Variants in DPH5 observed in about 807,000 individuals in gnomAD.
DPH5 encodes the protein diphthine methyl ester synthase.
Under a neutral mutation model 31.6 loss-of-function variants are expected in DPH5, and 31 were observed. The ratio of observed to expected loss-of-function variants is 0.98; its 90% confidence interval spans 0.74 to 1.32. The LOEUF (loss-of-function observed/expected upper bound fraction) is 1.32, where lower values mean the gene tolerates loss of function less well. Among genes scored for constraint, DPH5 ranks in the 40% most tolerant of loss-of-function variants. The pLI is 0.00. For missense variants in DPH5, 309 were observed against 335.7 expected, an observed-to-expected ratio of 0.92 and a Z score of 0.62; for synonymous variants, 120 against 115.0, an observed-to-expected ratio of 1.04 and a Z score of -0.28.
chr1:101,013,693 C>A lies in DPH5; in HGVS notation c.369+17G>T. 6.7e-7 allele frequency: 1 copy of A among 1,487,424 alleles called. No individual in the cohort carries two copies. Among genetic ancestry groups the A allele is most frequent in the South Asian group, 1.2e-5 (1 of 80,948 alleles). The allele number at this position is 1,487,424 out of a possible 1,614,324, so 92.1% of individuals were successfully genotyped here. A position where few individuals can be genotyped will look rare whatever the true frequency, so the allele number is the denominator to read the frequency against. Reference sequence around the variant, plus strand: ...TTTTTATTTAATTCCACTGAAAAACCTCCTTTGTTGCATTACCTGTAAACC... The same window carrying A: ...TTTTTATTTAATTCCACTGAAAAACATCCTTTGTTGCATTACCTGTAAACC... On this transcript the variant is annotated intron_variant, in intron 4 of 7. Coordinates refer to ENST00000370109, the MANE Select transcript of DPH5 (RefSeq NM_015958.3).
intron 2 of DPH5, 58 bp from the exon 3 acceptor site, chr1:101,021,823 CA>C: frequency 1.8e-6 from 1 of 554,950 alleles, no homozygotes; most frequent in Non-Finnish European, 2.6e-6. Flanking sequence ...TTCTAACACA[CA>C]CACACACACA....
At position 101,000,955 on chromosome 1, in the gene DPH5, C is replaced by T. The variant is rs535715222; in HGVS notation, c.490+512G>A. ...GGCTATCTGATTCTACCAGTTCTGC[C>T]AACAATTGACTAGGTGACATTGGGG... is the stretch of plus-strand genomic sequence containing the variant. On this transcript the variant is annotated intron_variant, in intron 5 of 7. Coordinates refer to ENST00000370109, the MANE Select transcript of DPH5 (RefSeq NM_015958.3). Among the ~76,000 whole-genome samples, 46 of 152,266 alleles carry T rather than the reference C, an allele frequency of 3.0e-4. No homozygotes were observed. The South Asian group carries it at 9.3e-3, about 31-fold the overall frequency.
intron 5 of DPH5, among the ~76,000 whole-genome samples, chr1:100,999,468 A>C (rs1658674418): frequency 6.6e-6 from 1 of 152,192 alleles, no homozygotes; most frequent in African/African-American, 2.4e-5. Context: ...ACAAACAAAC[A>C]AAAAATTTAT....
chr1:101,015,200 T>C (rs190081876), intron 3 of DPH5, among the ~76,000 whole-genome samples: 20 of 152,276 alleles, frequency 1.3e-4, no homozygotes, highest in African/African-American at 4.8e-4. Context: ...GAAATCACTA[T>C]CTAGGGCAGC....
At chr1:100,999,848 A>G (rs917581800) in intron 5 of DPH5, among the ~76,000 whole-genome samples, 4 of 151,840 alleles carry the variant, frequency 2.6e-5, no homozygotes, top group Non-Finnish European at 4.4e-5. Context: ...TCAAAAAAAT[A>G]AAAATAAAAT....
chr1:101,025,343 T>C lies in DPH5; in HGVS notation c.101A>G (p.Tyr34Cys), dbSNP rs373935279. 2.5e-6 allele frequency: 4 copies of C among 1,614,108 alleles called. No homozygotes were observed. The highest frequency in any genetic ancestry group is 1.3e-5 in the African/African-American group (1 of 74,940). ...CTTCCCTACAGTTAGGACTGAGGTG[T>C]AGGCTTCCAGATACACTCGACTGCA... ...RRCSRVYLEA[Y>C]TSVLTVGKEA... is the part of the protein sequence containing the mutation. The change falls in exon 2 of 8, where the codon TAC becomes TGC. Residue 34 changes from tyrosine (Y) to cysteine (C), a missense_variant. Transcript: ENST00000370109.
At chr1:101,023,681 G>T (rs186647027) in intron 2 of DPH5, among the ~76,000 whole-genome samples, 386 of 152,242 alleles carry the variant, frequency 2.5e-3, no homozygotes, top group Middle Eastern at 0.014. Context: ...ACTGGTAATT[G>T]CCACTTGACA....
chr1:101,003,804 A>G (rs1659036773), intron 4 of DPH5, among the ~76,000 whole-genome samples: 1 of 152,184 alleles, frequency 6.6e-6, no homozygotes, highest in South Asian at 2.1e-4. Flanking sequence ...TACATTTATG[A>G]TTTCATTCTG....
intron 3 of DPH5, among the ~76,000 whole-genome samples, chr1:101,020,226 T>C (rs1294917168): frequency 6.6e-6 from 1 of 152,126 alleles, no homozygotes; most frequent in Admixed American, 6.5e-5. Flanking sequence ...TTGAACCCTA[T>C]CCAGACCCAG....
chr1:101,011,586 T>G (rs1659646150), intron 4 of DPH5: 1 of 152,210 alleles, frequency 6.6e-6, no homozygotes, highest in South Asian at 2.1e-4. Flanking sequence ...ACAATTACAC[T>G]TTACCTGTCT....
intron 5 of DPH5, among the ~76,000 whole-genome samples, chr1:101,000,015 C>T (rs1658732190): frequency 1.3e-5 from 2 of 151,762 alleles, no homozygotes; most frequent in African/African-American, 4.8e-5. Flanking sequence ...GGCGTGGTGG[C>T]ATGAACCTGT....
At chr1:101,023,651 A>T (rs1170236937) in intron 2 of DPH5, among the ~76,000 whole-genome samples, 2 of 152,224 alleles carry the variant, frequency 1.3e-5, no homozygotes, top group African/African-American at 4.8e-5. Flanking sequence ...CATCTCAATA[A>T]AACACTACAT....
In DPH5 at chr1:101,013,762, CTA is replaced by C. The variant is rs776285372; in HGVS notation, c.315_316del (p.Tyr105Ter). On this transcript the variant is annotated stop_gained and frameshift_variant, in exon 4 of 8. Transcript: ENST00000370109. LOFTEE classifies it high-confidence loss of function. The stretch of plus-strand genomic sequence containing the variant: ...CATTATGGAGGCATTGTGAATAACT[CTA>C]TAAGGAATTCCCAGCTTTGTTGCTC... 1 of 1,613,290 alleles carries C rather than the reference CTA, an allele frequency of 6.2e-7. No homozygotes were observed. The highest frequency in any genetic ancestry group is 2.2e-5 in the East Asian group (1 of 44,858).
intron 7 of DPH5, among the ~76,000 whole-genome samples, chr1:100,991,088 T>C (rs1157492497): frequency 1.3e-5 from 2 of 152,138 alleles, no homozygotes; most frequent in African/African-American, 2.4e-5. Flanking sequence ...AGCTGTGTGA[T>C]AAACTTCAGT....
rs140266066 is a variant in DPH5 at position 101,001,427 on chromosome 1, G to A, written c.490+40C>T. The A allele has an allele frequency of 3.8e-4, 596 of 1,588,394 alleles. 1 individual carries two copies. The African/African-American group carries it at 7.3e-3, about 19-fold the overall frequency. On this transcript the variant is annotated intron_variant, in intron 5 of 7. Transcript: ENST00000370109. Reference sequence around the variant, plus strand: ...AAATCAAAATGAGAACAGTATGATAGTTCCATATTGTTACTTCAAGGAAAT... The same window carrying A: ...AAATCAAAATGAGAACAGTATGATAATTCCATATTGTTACTTCAAGGAAAT...
At chr1:101,007,397 A>C (rs1273463388) in intron 4 of DPH5, among the ~76,000 whole-genome samples, 1 of 152,190 alleles carries the variant, frequency 6.6e-6, no homozygotes. Flanking sequence ...GCTTCTGCAG[A>C]AATGTTAAAC....
intron 3 of DPH5, among the ~76,000 whole-genome samples, chr1:101,018,534 C>T (rs995516166): frequency 3.9e-5 from 6 of 152,132 alleles, no homozygotes; most frequent in African/African-American, 7.2e-5. Context: ...GCCACTGCGC[C>T]GGCTGGTATG....
intron 3 of DPH5, among the ~76,000 whole-genome samples, chr1:101,019,387 G>A (rs1353914786): frequency 2.6e-5 from 4 of 152,064 alleles, no homozygotes; most frequent in African/African-American, 9.7e-5. Context: ...ACAACAATGT[G>A]AATGTACTTA....
At chr1:100,994,875 A>G (rs535106242) in intron 6 of DPH5, among the ~76,000 whole-genome samples, 1 of 152,326 alleles carries the variant, frequency 6.6e-6, no homozygotes, top group East Asian at 1.9e-4. Context: ...TTCCACAAAC[A>G]CTGAGTGTCT....
Sources: allele counts gnomAD v4.1 joint callset (sites outside exome capture counted in the v4.1 genomes callset), GRCh38; gene constraint gnomAD v4.1.1; transcripts MANE v1.5; gene names NCBI Gene and HGNC (gene_info 2026-07-23, HGNC 2026-07-21).